The following GPR157 variants were observed in gnomAD, a reference collection of about 807,000 sequenced individuals.
GPR157 encodes the protein G-protein coupled receptor 157.
In GPR157, 16 loss-of-function variants were observed where a neutral mutation model predicts 23.5. The ratio of observed to expected loss-of-function variants is 0.68; its 90% CI spans 0.46 to 1.04. GPR157 has a LOEUF of 1.04. Ranked by LOEUF, GPR157 falls within the 50% of genes least tolerant of loss-of-function variation. The probability of loss-of-function intolerance (pLI) is 0.00; values close to 1 mark genes in which losing one functional copy is unlikely to be tolerated. For synonymous variants in GPR157, 200 were observed against 221.5 expected (o/e 0.90, Z 0.86); for missense variants, 440 against 460.7 (o/e 0.96, Z 0.41).
chr1:9,120,491 G>A lies in GPR157; in HGVS notation c.383+8154C>T, dbSNP rs1374603983. Among the ~76,000 whole-genome samples, 1 of 152,220 alleles carries A rather than the reference G, an allele frequency of 6.6e-6. No individual in the cohort carries two copies. The highest frequency in any genetic ancestry group is 1.5e-5 in the Non-Finnish European group (1 of 68,038). On this transcript the variant is annotated intron_variant, in intron 1 of 3. Coordinates refer to ENST00000377411, the MANE Select transcript of GPR157 (RefSeq NM_024980.5). This position sits in a 1 kb window ranked among gnomAD's most constrained non-coding sequence, Gnocchi z 4.1. ...ACAGAGCAGGGCTGGGGGAAGCCCA[G>A]CTGTAGGGAGTGAGGCCTGGTGAGA...
At chr1:9,107,007 C>T (rs773806393) in intron 2 of GPR157, among the ~76,000 whole-genome samples, 1 of 152,152 alleles carries the variant, frequency 6.6e-6, no homozygotes, top group South Asian at 2.1e-4. Flanking sequence ...ACTGCACGTG[C>T]ACTTCCTAGA....
At chr1:9,111,748 T>C (rs1311498683) in intron 1 of GPR157, among the ~76,000 whole-genome samples, 1 of 152,198 alleles carries the variant, frequency 6.6e-6, no homozygotes, top group Non-Finnish European at 1.5e-5. Context: ...TCCTTTTGCA[T>C]ACATGTGTGT....
intron 2 of GPR157, among the ~76,000 whole-genome samples, chr1:9,106,090 AG>A (rs938316658): frequency 6.6e-6 from 1 of 152,110 alleles, no homozygotes; most frequent in African/African-American, 2.4e-5. Flanking sequence ...AAATAGATGC[AG>A]GGTCTCCCTA....
chr1:9,108,403 C>A (rs563788827), intron 2 of GPR157, among the ~76,000 whole-genome samples: 1 of 152,214 alleles, frequency 6.6e-6, no homozygotes, highest in Admixed American at 6.5e-5. Flanking sequence ...CATTGTCACC[C>A]GTAAGGGTCA....
intron 1 of GPR157, among the ~76,000 whole-genome samples, chr1:9,112,330 C>T (rs1279107566): frequency 6.6e-6 from 1 of 152,220 alleles, no homozygotes; most frequent in Admixed American, 6.5e-5. Context: ...GGGCTTTGGG[C>T]AGTGTGTCCC....
In GPR157 at chr1:9,104,189, G is replaced by C. The variant is rs1033153947; in HGVS notation, c.*230C>G. On this transcript the variant is annotated 3_prime_UTR_variant, in exon 4 of 4. Transcript: ENST00000377411. ...ATCTCACTGCTACCCTTATGCAGAT[G>C]AACGCCCACCCGTGGGCCAGGACGC... 2.0e-5 allele frequency: 11 copies of C among 550,888 alleles called. No individual in the cohort carries two copies. Among genetic ancestry groups the C allele is most frequent in the South Asian group, 6.6e-5 (3 of 45,422 alleles). The allele number at this position is 550,888 out of a possible 1,614,324, so 34.1% of individuals were successfully genotyped here. A position where few individuals can be genotyped will look rare whatever the true frequency, so the allele number is the denominator to read the frequency against.
chr1:9,121,732 C>T (rs1638801627), intron 1 of GPR157, among the ~76,000 whole-genome samples: 1 of 152,198 alleles, frequency 6.6e-6, no homozygotes, highest in African/African-American at 2.4e-5. Flanking sequence ...GGACTTCCCA[C>T]TGCCCCCAGA....
At chr1:9,123,169 A>G (rs1638837355) in intron 1 of GPR157, among the ~76,000 whole-genome samples, 1 of 129,332 alleles carries the variant, frequency 7.7e-6, no homozygotes, top group African/African-American at 3.0e-5. Context: ...GTGGGAAAAA[A>G]AAAAAATATA....
chr1:9,107,998 G>A (rs913943063), intron 2 of GPR157, among the ~76,000 whole-genome samples: 4 of 118,226 alleles, frequency 3.4e-5, no homozygotes, highest in Admixed American at 9.3e-5. Context: ...AGACTGAGGT[G>A]GAAGTTGCAG....
Position 9,126,789 on chromosome 1 carries a change from T to C in GPR157, c.383+1856A>G, listed in dbSNP as rs1017041970. Among the ~76,000 whole-genome samples the C allele has an allele frequency of 3.3e-5, 5 of 152,320 alleles. No homozygotes were observed. The East Asian group carries it at 9.6e-4, about 29-fold the overall frequency. On this transcript the variant is annotated intron_variant, in intron 1 of 3. Transcript: ENST00000377411. ...CCAGAGAATAAATTGTCAAACTCCC[T>C]CTCTAGCTTGGATACAGATAATTTT...
At position 9,105,481 on chromosome 1, in the gene GPR157, C is replaced by A. The variant is rs1171955352; in HGVS notation, c.792+5G>T. 1.3e-6 allele frequency: 2 copies of A among 1,554,700 alleles called. No homozygotes were observed. The highest frequency in any genetic ancestry group is 1.7e-6 in the Non-Finnish European group (2 of 1,147,774). ...GACGACAAGGGCCAGGGAGGGCAGA[C>A]CTACATGCAGAACCACCAGCACCGG... On this transcript the variant is annotated splice_donor_5th_base_variant and intron_variant, in intron 3 of 3. Transcript: ENST00000377411. The surrounding 1 kb of genome is among the most constrained non-coding windows in gnomAD (Gnocchi z 4.8).
In GPR157 at chr1:9,105,573, G is replaced by C. The variant is rs377254004; in HGVS notation, c.705C>G (p.Ile235Met). The change falls in exon 3 of 4, where the codon ATC becomes ATG. Residue 235 changes from isoleucine to methionine, a missense_variant. Physicochemically the swap from Ile to Met is conservative, Grantham distance 10. Coordinates refer to ENST00000377411, the MANE Select transcript of GPR157 (RefSeq NM_024980.5). This position sits in a 1 kb window ranked among gnomAD's most constrained non-coding sequence, Gnocchi z 4.8. ...GCACGGTGCTCCAGACCCTGAGGCC[G>C]ATGAAGATGAGCGGGATGAGCACCA... is the stretch of plus-strand genomic sequence containing the variant. Reference protein sequence around the residue: ...KKLVLIPLIFIGLRVWSTVRF... With the variant: ...KKLVLIPLIFMGLRVWSTVRF... 2 of 1,609,210 alleles carry C rather than the reference G, an allele frequency of 1.2e-6. No individual in the cohort carries two copies. Among genetic ancestry groups the C allele is most frequent in the South Asian group, 1.1e-5 (1 of 89,562 alleles).
chr1:9,103,362 C>A lies in GPR157; in HGVS notation c.*1057G>T, dbSNP rs907843373. On this transcript the variant is annotated 3_prime_UTR_variant, in exon 4 of 4. Coordinates refer to ENST00000377411, the MANE Select transcript of GPR157 (RefSeq NM_024980.5). ...TATTTTTAGTAGAGACAGGGTTTCACCATGTTGGCCAGGCTGGTCTTGAAC... is the reference window on the plus strand; with the variant it reads ...TATTTTTAGTAGAGACAGGGTTTCAACATGTTGGCCAGGCTGGTCTTGAAC... 2 of 152,180 alleles carry A rather than the reference C, an allele frequency of 1.3e-5. No individual in the cohort carries two copies. Among genetic ancestry groups the A allele is most frequent in the African/African-American group, 4.8e-5 (2 of 41,406 alleles). The allele number at this position is 152,180 out of a possible 1,614,324, so 9.4% of individuals were successfully genotyped here.
At chr1:9,123,025 G>A (rs932086890) in intron 1 of GPR157, among the ~76,000 whole-genome samples, 23 of 151,036 alleles carry the variant, frequency 1.5e-4, no homozygotes, top group Admixed American at 1.1e-3. Context: ...GCATGGTGGC[G>A]CATGCCTGTC....
chr1:9,116,281 A>ATTTATATTATATATTATATGTAATAT (rs373818819), intron 1 of GPR157, among the ~76,000 whole-genome samples: 1 of 3,114 alleles, frequency 3.2e-4, no homozygotes. Flanking sequence ...AATTATATAT[A>ATTTATATTATATATTATATGTAATAT]AATTATATAT....
Position 9,128,499 on chromosome 1 carries a change from G to T in GPR157, c.383+146C>A. On this transcript the variant is annotated intron_variant, in intron 1 of 3. Transcript: ENST00000377411. The surrounding 1 kb of genome is among the most constrained non-coding windows in gnomAD (Gnocchi z 6.3). Reference sequence around the variant, plus strand: ...GGGCAAGGCTGGCCTCCTCCCGCTGGCCCAGGACAGCCTCGGGGGCGCCAG... The same window carrying T: ...GGGCAAGGCTGGCCTCCTCCCGCTGTCCCAGGACAGCCTCGGGGGCGCCAG... 1.3e-6 allele frequency: 1 copy of T among 780,676 alleles called. No individual in the cohort carries two copies. The highest frequency in any genetic ancestry group is 2.1e-6 in the Non-Finnish European group (1 of 469,638). 48.4% of individuals were successfully genotyped at this position (780,676 alleles called of 1,614,324 possible). A position where few individuals can be genotyped will look rare whatever the true frequency, so the allele number is the denominator to read the frequency against.
At position 9,111,608 on chromosome 1, in the gene GPR157, G is replaced by A; in HGVS notation, c.384-119C>T. ...AGGGGATGCTCTCCAGAGCCTGGAT[G>A]GCACAGTGGCCCTGGAAAATAAGAA... On this transcript the variant is annotated intron_variant, in intron 1 of 3. Coordinates refer to ENST00000377411, the MANE Select transcript of GPR157 (RefSeq NM_024980.5). 3 of 731,686 alleles carry A rather than the reference G, an allele frequency of 4.1e-6. No individual in the cohort carries two copies. In the Admixed American group the frequency reaches 7.5e-5, roughly 18 times the overall value. 45.3% of individuals were successfully genotyped at this position (731,686 alleles called of 1,614,324 possible).
At chr1:9,117,663 G>A (rs1485792485) in intron 1 of GPR157, among the ~76,000 whole-genome samples, 1 of 152,192 alleles carries the variant, frequency 6.6e-6, no homozygotes, top group Non-Finnish European at 1.5e-5. Flanking sequence ...TGGGGAGGCT[G>A]AGGCAGGAGA....
At chr1:9,107,225 G>GT (rs1337564860) in intron 2 of GPR157, among the ~76,000 whole-genome samples, 3 of 152,156 alleles carry the variant, frequency 2.0e-5, no homozygotes, top group African/African-American at 7.2e-5. Flanking sequence ...GAACAAAAAC[G>GT]TGAGCTCGAG....
Sources: allele counts gnomAD v4.1 joint callset (sites outside exome capture counted in the v4.1 genomes callset), GRCh38; gene constraint gnomAD v4.1.1; non-coding constraint Gnocchi (gnomAD v3.1); transcripts MANE v1.5; gene names NCBI Gene and HGNC (gene_info 2026-07-23, HGNC 2026-07-21).